Variants in NRXN1 observed in about 807,000 individuals in gnomAD.
NRXN1 encodes the protein neurexin-1.
Under a neutral mutation model 150.9 loss-of-function variants are expected in NRXN1, and 39 were observed. The observed-to-expected ratio is 0.26, with a 90% CI of 0.20 to 0.34. NRXN1 has a LOEUF of 0.34. Ranked by LOEUF, NRXN1 falls within the 10% of genes least tolerant of loss-of-function variation. The probability of loss-of-function intolerance (pLI) is 1.00; values close to 1 mark genes in which losing one functional copy is unlikely to be tolerated. For missense variants in NRXN1, 1,815 were observed against 1,949.9 expected (o/e 0.93, Z 1.30); for synonymous variants, 924 against 757.0 (o/e 1.22, Z -3.62).
intron 5 of NRXN1, among the ~76,000 whole-genome samples, chr2:50,709,198 G>C (rs1694823262): frequency 6.6e-6 from 1 of 152,070 alleles, no homozygotes; most frequent in South Asian, 2.1e-4. Context: ...GATGGCACGT[G>C]ATATTTGCAC....
At chr2:50,815,638 G>A (rs1574573080) in intron 5 of NRXN1, among the ~76,000 whole-genome samples, 1 of 152,030 alleles carries the variant, frequency 6.6e-6, no homozygotes, top group East Asian at 1.9e-4. Flanking sequence ...TATATAAAAA[G>A]CATAGATTAA....
At chr2:50,109,531 G>C (rs915945471) in intron 18 of NRXN1, among the ~76,000 whole-genome samples, 3 of 151,728 alleles carry the variant, frequency 2.0e-5, no homozygotes, top group African/African-American at 7.3e-5. Flanking sequence ...TTGTTTATCA[G>C]TTTGCGGGGT....
chr2:50,731,490 A>G (rs1181201846), intron 5 of NRXN1, among the ~76,000 whole-genome samples: 1 of 152,220 alleles, frequency 6.6e-6, no homozygotes, highest in Non-Finnish European at 1.5e-5. Flanking sequence ...ATACAGAAAT[A>G]AAGTGAGGGA....
At chr2:50,089,803 T>C (rs1490625940) in intron 19 of NRXN1, among the ~76,000 whole-genome samples, 2 of 151,310 alleles carry the variant, frequency 1.3e-5, no homozygotes, top group South Asian at 4.2e-4. Flanking sequence ...AAAAAAAAAG[T>C]TAAATTGATA....
intron 17 of NRXN1, among the ~76,000 whole-genome samples, chr2:50,266,805 CAAAAAG>C (rs1251089755): frequency 2.0e-5 from 3 of 152,022 alleles, no homozygotes; most frequent in African/African-American, 7.2e-5. Flanking sequence ...TTTAGTGACA[CAAAAAG>C]ATACGTTTGG....
At chr2:50,425,081 T>C (rs1221747765) in intron 17 of NRXN1, among the ~76,000 whole-genome samples, 2 of 152,192 alleles carry the variant, frequency 1.3e-5, no homozygotes, top group Non-Finnish European at 2.9e-5. Flanking sequence ...TCAGGCCATA[T>C]TGTGCATTTT....
At chr2:50,991,811 T>C (rs993525746) in intron 2 of NRXN1, among the ~76,000 whole-genome samples, 1 of 152,052 alleles carries the variant, frequency 6.6e-6, no homozygotes, top group African/African-American at 2.4e-5. Flanking sequence ...AAGGCAACGA[T>C]GCAATACAAG....
At chr2:50,707,404 C>T (rs528504158) in intron 5 of NRXN1, among the ~76,000 whole-genome samples, 143 of 152,214 alleles carry the variant, frequency 9.4e-4, no homozygotes, top group African/African-American at 2.5e-3. Context: ...TGGTTCTTGG[C>T]GGTAGAAATG....
At chr2:50,414,144 G>A (rs1179558349) in intron 17 of NRXN1, among the ~76,000 whole-genome samples, 1 of 151,686 alleles carries the variant, frequency 6.6e-6, no homozygotes. Flanking sequence ...ATCACAACAG[G>A]GTTACTATAT....
chr2:50,057,846 A>T (rs1299381685), intron 19 of NRXN1, among the ~76,000 whole-genome samples: 2 of 152,152 alleles, frequency 1.3e-5, no homozygotes, highest in East Asian at 3.9e-4. Context: ...AACCTCACTT[A>T]TAATTTTATT....
chr2:50,708,013 T>C (rs955908963), intron 5 of NRXN1, among the ~76,000 whole-genome samples: 9 of 152,156 alleles, frequency 5.9e-5, no homozygotes, highest in African/African-American at 2.2e-4. Context: ...CTTATAAAGA[T>C]TTCAGGTATT....
intron 18 of NRXN1, among the ~76,000 whole-genome samples, chr2:50,205,273 T>C (rs902435154): frequency 9.2e-5 from 14 of 152,122 alleles, no homozygotes; most frequent in African/African-American, 3.4e-4. Context: ...AATGAGTATA[T>C]GTGCTGTAGA....
intron 21 of NRXN1, among the ~76,000 whole-genome samples, chr2:49,947,412 A>C (rs529322939): frequency 6.6e-6 from 1 of 151,906 alleles, no homozygotes; most frequent in South Asian, 2.1e-4. Context: ...CACAATTGGA[A>C]TTCTGAGGTC....
At chr2:50,995,952 T>G (rs1421995948) in intron 2 of NRXN1, among the ~76,000 whole-genome samples, 1 of 152,074 alleles carries the variant, frequency 6.6e-6, no homozygotes, top group Non-Finnish European at 1.5e-5. Context: ...CAGATGATTT[T>G]AATGGCTAAG....
chr2:50,019,736 G>A (rs1317276976), intron 21 of NRXN1, among the ~76,000 whole-genome samples: 1 of 150,038 alleles, frequency 6.7e-6, no homozygotes, highest in Non-Finnish European at 1.5e-5. Context: ...CACGACGTCA[G>A]GAGATCGAGA....
intron 19 of NRXN1, among the ~76,000 whole-genome samples, chr2:50,077,503 G>A (rs183904837): frequency 1.2e-4 from 18 of 151,680 alleles, no homozygotes; most frequent in Non-Finnish European, 2.4e-4. Flanking sequence ...TGCTTGTTTC[G>A]CCTCTAACCA....
intron 19 of NRXN1, among the ~76,000 whole-genome samples, chr2:50,087,969 C>T (rs531514812): frequency 6.6e-6 from 1 of 152,196 alleles, no homozygotes; most frequent in East Asian, 1.9e-4. Context: ...AATTTCAATC[C>T]TTATTACCTA....
At chr2:50,878,169 C>A (rs527672560) in intron 5 of NRXN1, among the ~76,000 whole-genome samples, 1 of 152,014 alleles carries the variant, frequency 6.6e-6, no homozygotes, top group African/African-American at 2.4e-5. Flanking sequence ...TATAAAGTTA[C>A]TGAAAATAAG....
intron 17 of NRXN1, among the ~76,000 whole-genome samples, chr2:50,289,632 A>G (rs982550377): frequency 2.0e-5 from 3 of 152,182 alleles, no homozygotes; most frequent in Admixed American, 1.3e-4. Context: ...ATTAGCTATG[A>G]ATTTTCAGGT....
Sources: gnomAD v4.1 joint callset for allele counts (sites outside exome capture counted in the v4.1 genomes callset) on GRCh38, gnomAD v4.1.1 for gene constraint, MANE v1.5 for transcripts, NCBI Gene and HGNC (gene_info 2026-07-23, HGNC 2026-07-21) for gene names.